CADM2: variants seen among roughly 807,000 people sequenced by gnomAD.
CADM2 encodes cell adhesion molecule 2.
A neutral mutation model predicts 49.8 loss-of-function variants in CADM2; 12 were observed. The ratio of observed to expected loss-of-function variants is 0.24; its 90% confidence interval spans 0.15 to 0.39. The LOEUF (loss-of-function observed/expected upper bound fraction) is 0.39, where lower values mean the gene tolerates loss of function less well. Among genes scored for constraint, CADM2 ranks in the 10% least tolerant of loss-of-function variants. CADM2 has a pLI of 1.00. For synonymous variants in CADM2, 214 were observed against 175.4 expected (o/e 1.22, Z -1.74); for missense variants, 378 against 492.3 (o/e 0.77, Z 2.20).
chr3:86,039,299 A>G (rs917454987), intron 8 of CADM2, among the ~76,000 whole-genome samples: 7 of 141,324 alleles, frequency 5.0e-5, no homozygotes, highest in African/African-American at 1.9e-4. Flanking sequence ...GAAAGGGGTC[A>G]GGGAATTCCT....
At chr3:85,308,314 C>CT (rs2044263523) in intron 1 of CADM2, among the ~76,000 whole-genome samples, 1 of 123,432 alleles carries the variant, frequency 8.1e-6, no homozygotes, top group South Asian at 2.4e-4. Flanking sequence ...CCTCTCTACA[C>CT]ACACACACAC....
chr3:85,891,798 A>G (rs1353897952), intron 5 of CADM2, among the ~76,000 whole-genome samples: 1 of 152,190 alleles, frequency 6.6e-6, no homozygotes, highest in East Asian at 1.9e-4. Flanking sequence ...TTTACTAACA[A>G]TCAGAGAGCT....
chr3:85,138,678 T>A (rs1173868978), intron 1 of CADM2, among the ~76,000 whole-genome samples: 1 of 152,144 alleles, frequency 6.6e-6, no homozygotes, highest in Non-Finnish European at 1.5e-5. Context: ...AAATAAATGG[T>A]GAACATCAAA....
chr3:85,490,022 A>G (rs2039605719), intron 1 of CADM2, among the ~76,000 whole-genome samples: 1 of 151,728 alleles, frequency 6.6e-6, no homozygotes. Flanking sequence ...TATTCTGATC[A>G]TAATTCTACA....
chr3:85,246,960 T>C (rs1462870800), intron 1 of CADM2, among the ~76,000 whole-genome samples: 1 of 151,628 alleles, frequency 6.6e-6, no homozygotes, highest in South Asian at 2.1e-4. Flanking sequence ...TTTTTACTTA[T>C]ATAATTTAAC....
chr3:85,673,785 G>A (rs1488503882), intron 1 of CADM2, among the ~76,000 whole-genome samples: 1 of 152,142 alleles, frequency 6.6e-6, no homozygotes, highest in Non-Finnish European at 1.5e-5. Context: ...AGCATATGAT[G>A]TGGCATGTGT....
chr3:85,656,768 A>G (rs934813016), intron 1 of CADM2, among the ~76,000 whole-genome samples: 9 of 152,226 alleles, frequency 5.9e-5, no homozygotes, highest in African/African-American at 2.2e-4. Flanking sequence ...TCCAAAACAA[A>G]TATCTTTACT....
In CADM2 at chr3:85,000,445, A is replaced by G. The variant is rs960913535; in HGVS notation, c.61+40777A>G. Among the ~76,000 whole-genome samples, 7 of 149,316 alleles carry G rather than the reference A, an allele frequency of 4.7e-5. No homozygotes were observed. In the East Asian group the frequency reaches 1.4e-3, roughly 29 times the overall value. On this transcript the variant is annotated intron_variant, in intron 1 of 9. Transcript: ENST00000383699. ...AGAGCATAAGTCCTTGACTTTGTTC[A>G]CAAAAAAAAACAGTCTTTTACTTAT...
At chr3:86,049,811 G>A (rs149238214) in intron 8 of CADM2, among the ~76,000 whole-genome samples, 10 of 152,228 alleles carry the variant, frequency 6.6e-5, no homozygotes, top group East Asian at 5.8e-4. Flanking sequence ...GTGCCAAACC[G>A]TTCATGAGAA....
chr3:85,130,989 C>T (rs912635419), intron 1 of CADM2, among the ~76,000 whole-genome samples: 1 of 152,136 alleles, frequency 6.6e-6, no homozygotes, highest in East Asian at 1.9e-4. Flanking sequence ...TCAAGACCAG[C>T]CTGGCCAACA....
intron 1 of CADM2, among the ~76,000 whole-genome samples, chr3:85,193,158 A>G (rs554374143): frequency 1.3e-5 from 2 of 152,068 alleles, no homozygotes; most frequent in African/African-American, 4.8e-5. Flanking sequence ...TAGGGTATAT[A>G]TGGGATATAT....
At chr3:86,041,698 C>T (rs1344413523) in intron 8 of CADM2, among the ~76,000 whole-genome samples, 1 of 152,136 alleles carries the variant, frequency 6.6e-6, no homozygotes, top group African/African-American at 2.4e-5. Flanking sequence ...CAAGGGTATC[C>T]AGGAACTGAA....
chr3:85,470,350 C>G (rs1468716162), intron 1 of CADM2, among the ~76,000 whole-genome samples: 2 of 152,084 alleles, frequency 1.3e-5, no homozygotes, highest in African/African-American at 4.8e-5. Context: ...GGTAAAAAGA[C>G]AGGATGTTGG....
At chr3:85,915,839 A>G (rs1191726866) in intron 6 of CADM2, among the ~76,000 whole-genome samples, 1 of 152,186 alleles carries the variant, frequency 6.6e-6, no homozygotes, top group Non-Finnish European at 1.5e-5. Context: ...CAGAGATGAT[A>G]TTGTTTTCAG....
chr3:85,246,312 G>T (rs1267032607), intron 1 of CADM2, among the ~76,000 whole-genome samples: 1 of 151,966 alleles, frequency 6.6e-6, no homozygotes, highest in African/African-American at 2.4e-5. Context: ...GGGGGAAGGG[G>T]GTAGGGAAAG....
At chr3:85,597,298 T>C (rs2107372686) in intron 1 of CADM2, among the ~76,000 whole-genome samples, 1 of 152,238 alleles carries the variant, frequency 6.6e-6, no homozygotes, top group East Asian at 1.9e-4. Flanking sequence ...CTTAAATTCA[T>C]CTAAGTCTTC....
At chr3:85,782,520 C>T (rs1347007562) in intron 2 of CADM2, among the ~76,000 whole-genome samples, 1 of 151,422 alleles carries the variant, frequency 6.6e-6, no homozygotes, top group East Asian at 2.0e-4. Flanking sequence ...ACTAAAAATA[C>T]AAAAATTAGC....
intron 1 of CADM2, among the ~76,000 whole-genome samples, chr3:85,321,091 C>CATATAT (rs1227890094): frequency 0.038 from 2,445 of 64,608 alleles, 82 homozygotes; most frequent in Non-Finnish European, 0.045. Context: ...TAGATATATA[C>CATATAT]ATATATATAT....
intron 1 of CADM2, among the ~76,000 whole-genome samples, chr3:85,643,689 C>T (rs62261675): frequency 2.0e-5 from 3 of 151,914 alleles, no homozygotes; most frequent in Non-Finnish European, 4.4e-5. Flanking sequence ...TTTGGCATTT[C>T]TTTGTGATAC....
Sources: gnomAD v4.1 joint callset for allele counts (sites outside exome capture counted in the v4.1 genomes callset) on GRCh38, gnomAD v4.1.1 for gene constraint, MANE v1.5 for transcripts, NCBI Gene and HGNC (gene_info 2026-07-23, HGNC 2026-07-21) for gene names.